The following LRRK1 variants were observed in gnomAD, a reference collection of about 807,000 sequenced individuals.
LRRK1 encodes leucine rich repeat kinase 1, also known as leucine-rich repeat serine/threonine-protein kinase 1.
Under a neutral mutation model 209.1 loss-of-function variants are expected in LRRK1, and 113 were observed. The observed-to-expected ratio is 0.54, with a 90% CI of 0.46 to 0.63. The LOEUF (loss-of-function observed/expected upper bound fraction) is 0.63, where lower values mean the gene tolerates loss of function less well. Ranked by LOEUF, LRRK1 falls within the 30% of genes least tolerant of loss-of-function variation. The pLI is 0.00. For synonymous variants in LRRK1, 1,144 were observed against 1,099.7 expected (o/e 1.04, Z -0.80); for missense variants, 2,284 against 2,632.2 (o/e 0.87, Z 2.89).
intron 6 of LRRK1, among the ~76,000 whole-genome samples, chr15:101,005,667 T>C (rs1331207288): frequency 2.0e-5 from 3 of 152,204 alleles, no homozygotes; most frequent in Non-Finnish European, 2.9e-5. Context: ...TGGAAGATCT[T>C]GTTTTGCCGG....
At chr15:101,042,336 G>T (rs2034803265) in intron 20 of LRRK1, among the ~76,000 whole-genome samples, 1 of 151,554 alleles carries the variant, frequency 6.6e-6, no homozygotes, top group African/African-American at 2.4e-5. Context: ...CTTTTTAAAG[G>T]TGTCACCCCA....
intron 30 of LRRK1, 74 bp downstream of exon 30, chr15:101,061,362 T>C (rs1224423896): frequency 3.0e-6 from 3 of 1,000,406 alleles, no homozygotes; most frequent in South Asian, 2.7e-5. Flanking sequence ...GGGGGCCACA[T>C]TCATAAAAAT....
In LRRK1 at chr15:100,955,019, T is replaced by A. The variant is rs1596193744; in HGVS notation, c.98-18785T>A. On this transcript the variant is annotated intron_variant, in intron 2 of 33. Transcript: ENST00000388948. ...CTGTGGTTCCATACAAATTTTAGGA[T>A]TTTTTTTTCTATTTTTGTGAAAAAT... 2.9e-3 allele frequency among the ~76,000 whole-genome samples: 5 copies of A among 1,696 alleles called. No individual in the cohort carries two copies. The South Asian group carries it at 0.091, about 31-fold the overall frequency. 1.1% of individuals were successfully genotyped at this position (1,696 alleles called of 152,430 possible).
intron 10 of LRRK1, among the ~76,000 whole-genome samples, chr15:101,013,399 C>G (rs575405615): frequency 6.6e-6 from 1 of 152,204 alleles, no homozygotes; most frequent in African/African-American, 2.4e-5. Flanking sequence ...GTGATGTCCT[C>G]AAGCAGGGAG....
intron 2 of LRRK1, among the ~76,000 whole-genome samples, chr15:100,964,265 C>T (rs776271963): frequency 2.6e-5 from 4 of 152,202 alleles, no homozygotes; most frequent in African/African-American, 9.7e-5. Flanking sequence ...TCTGCACACC[C>T]CCAACCTCCA....
chr15:101,062,756 T>A, intron 31 of LRRK1, 66 bp downstream of exon 31: 2 of 1,185,690 alleles, frequency 1.7e-6, no homozygotes, highest in Non-Finnish European at 2.5e-6. Context: ...AGGCGTCTCC[T>A]AGCTATGTCA....
chr15:101,062,449 A>G (rs1567284981), intron 30 of LRRK1, 125 bp from the exon 31 acceptor site: 2 of 697,276 alleles, frequency 2.9e-6, no homozygotes, highest in East Asian at 2.5e-5. Context: ...GAACGTGTCA[A>G]TCCATGTAAC....
chr15:100,956,457 T>TTTTCTTTTCTTTTCTTTTC (rs1307728532), intron 2 of LRRK1, among the ~76,000 whole-genome samples: 1 of 115,220 alleles, frequency 8.7e-6, no homozygotes, highest in East Asian at 2.1e-4. Context: ...TTTTTTTTCT[T>TTTTCTTTTCTTTTCTTTTC]TTTTTTTTTT....
chr15:101,029,365 C>A, intron 20 of LRRK1, 133 bp downstream of exon 20: 2 of 937,464 alleles, frequency 2.1e-6, no homozygotes, highest in Non-Finnish European at 3.1e-6. Context: ...TACGGACAGG[C>A]CAGCACCCGA....
intron 2 of LRRK1, among the ~76,000 whole-genome samples, chr15:100,948,820 G>A (rs1267227421): frequency 1.3e-5 from 2 of 152,092 alleles, no homozygotes; most frequent in African/African-American, 4.8e-5. Flanking sequence ...TATACTTTGC[G>A]ATGAATTAAA....
rs1596286404 is a variant in LRRK1, at chr15:101,022,259, T to C, written c.1853-124T>C. 1 of 941,682 alleles carries C rather than the reference T, an allele frequency of 1.1e-6. No individual in the cohort carries two copies. Among genetic ancestry groups the C allele is most frequent in the Admixed American group, 2.0e-5 (1 of 48,896 alleles). The allele number at this position is 941,682 out of a possible 1,614,324, so 58.3% of individuals were successfully genotyped here. ...CATGCCTTCCCTCCCCCTGATCCAGTAGTCTTCCTTAACTGTCCCCACTAA... is the reference window on the plus strand; with the variant it reads ...CATGCCTTCCCTCCCCCTGATCCAGCAGTCTTCCTTAACTGTCCCCACTAA... On this transcript the variant is annotated intron_variant, in intron 14 of 33. Transcript: ENST00000388948. The surrounding 1 kb of genome is among the most constrained non-coding windows in gnomAD (Gnocchi z 4.0).
chr15:101,002,751 T>C (rs1267004593), intron 6 of LRRK1, among the ~76,000 whole-genome samples: 1 of 152,138 alleles, frequency 6.6e-6, no homozygotes, highest in Non-Finnish European at 1.5e-5. Context: ...TTTTTTATTT[T>C]GAGATGGAAT....
intron 2 of LRRK1, among the ~76,000 whole-genome samples, chr15:100,926,802 A>T (rs766502758): frequency 7.5e-5 from 11 of 147,422 alleles, no homozygotes; most frequent in Non-Finnish European, 1.5e-4. Flanking sequence ...CTCCTGCCTC[A>T]GCCTCCTGAG....
Position 101,027,540 on chromosome 15 carries a change from C to A in LRRK1, c.2527-98C>A. 6.7e-7 allele frequency: 1 copy of A among 1,498,734 alleles called. No homozygotes were observed. Among genetic ancestry groups the A allele is most frequent in the Non-Finnish European group, 9.0e-7 (1 of 1,110,440 alleles). The allele number at this position is 1,498,734 out of a possible 1,614,324, so 92.8% of individuals were successfully genotyped here. On this transcript the variant is annotated intron_variant, in intron 18 of 33. Coordinates refer to ENST00000388948, the MANE Select transcript of LRRK1 (RefSeq NM_024652.6). The surrounding 1 kb of genome is among the most constrained non-coding windows in gnomAD (Gnocchi z 5.1). ...GATGGAAGATAGTGGGTGGAAACGT[C>A]CCACCCCCTCAGGCCACAGGGGCCG...
intron 20 of LRRK1, among the ~76,000 whole-genome samples, chr15:101,037,297 T>C (rs1170695878): frequency 6.6e-6 from 1 of 152,184 alleles, no homozygotes; most frequent in South Asian, 2.1e-4. Flanking sequence ...TGCAAGTAGG[T>C]ACCAGCTGTA....
intron 23 of LRRK1, among the ~76,000 whole-genome samples, chr15:101,050,367 T>G (rs914343891): frequency 7.9e-5 from 12 of 152,148 alleles, no homozygotes; most frequent in Admixed American, 7.2e-4. Context: ...GCCTCCTGTT[T>G]GTTTTGCTCC....
At position 101,053,244 on chromosome 15, in the gene LRRK1, G is replaced by A. The variant is rs1335061632; in HGVS notation, c.3878G>A (p.Arg1293Gln). 32 of 1,606,208 alleles carry A rather than the reference G, an allele frequency of 2.0e-5. No homozygotes were observed. Among genetic ancestry groups the A allele is most frequent in the Non-Finnish European group, 2.5e-5 (30 of 1,179,960 alleles). ...VPADTMLRHL[R>Q]ATDAMKNFSE... The stretch of plus-strand genomic sequence containing the variant: ...GCAGACACCATGCTGAGGCACCTGC[G>A]GGCCACCGATGCCATGAAGAACTTC... Residue 1293 changes from arginine (R) to glutamine (Q), a missense_variant, in exon 26 of 34, where the codon CGG becomes CAG. Around this residue, in one of 6 missense-constraint regions of LRRK1, gnomAD observed 780 missense variants for 985.2 expected, o/e 0.79. Transcript: ENST00000388948.
chr15:100,922,971 C>A (rs953713222), intron 1 of LRRK1, among the ~76,000 whole-genome samples: 1 of 152,216 alleles, frequency 6.6e-6, no homozygotes, highest in Non-Finnish European at 1.5e-5. Flanking sequence ...ATTCCCACAG[C>A]CTTGTCCTGT....
chr15:100,982,603 G>T (rs1270444183), intron 3 of LRRK1, among the ~76,000 whole-genome samples: 1 of 152,154 alleles, frequency 6.6e-6, no homozygotes, highest in African/African-American at 2.4e-5. Context: ...CCTTCCTCTG[G>T]GCCACCAAGT....
Sources: allele counts gnomAD v4.1 joint callset (sites outside exome capture counted in the v4.1 genomes callset), GRCh38; gene constraint gnomAD v4.1.1; regional missense constraint gnomAD v4.1.1; non-coding constraint Gnocchi (gnomAD v3.1); transcripts MANE v1.5; gene names NCBI Gene and HGNC (gene_info 2026-07-23, HGNC 2026-07-21).